RYR3: variants seen among roughly 807,000 people sequenced by gnomAD.
RYR3 encodes the protein brain ryanodine receptor-calcium release channel.
RYR3 carries 207 observed loss-of-function variants against 584.3 expected under a neutral mutation model. That is an observed-to-expected ratio of 0.35 (90% confidence interval 0.32 to 0.40). The LOEUF is 0.40. Among genes scored for constraint, RYR3 ranks in the 10% least tolerant of loss-of-function variants. The probability of loss-of-function intolerance (pLI) is 1.00; values close to 1 mark genes in which losing one functional copy is unlikely to be tolerated. For synonymous variants in RYR3, 2,416 were observed against 2,248.5 expected (o/e 1.07, Z -2.11); for missense variants, 5,616 against 6,089.2 (o/e 0.92, Z 2.59).
chr15:33,545,157 G>A (rs141438511), intron 8 of RYR3, among the ~76,000 whole-genome samples: 1,747 of 152,202 alleles, frequency 0.011, 34 homozygotes, highest in African/African-American at 0.038. Flanking sequence ...TACTTTTAAG[G>A]ATGGGAACTG....
In RYR3 at chr15:33,586,108, A is replaced by G; in HGVS notation, c.1780A>G (p.Asn594Asp). The part of the protein sequence containing the change: ...IISLLDKHGR[N>D]HKVLDILCSL... ...CTCCCTGTTGGATAAGCACGGGCGGAATCACAAGGTAGGTGTGGAAAGAAC... is the reference window on the plus strand; with the variant it reads ...CTCCCTGTTGGATAAGCACGGGCGGGATCACAAGGTAGGTGTGGAAAGAAC... The change falls in exon 16 of 104, where the codon AAT (asparagine) becomes GAT (aspartate). Residue 594 changes from asparagine to aspartate, a missense_variant. Transcript: ENST00000634891. The G allele has an allele frequency of 1.3e-6, 2 of 1,597,074 alleles. No homozygotes were observed. Among genetic ancestry groups the G allele is most frequent in the Non-Finnish European group, 1.7e-6 (2 of 1,164,462 alleles).
At chr15:33,566,592 G>A in intron 11 of RYR3, 86 bp from the exon 12 acceptor site, 1 of 1,405,782 alleles carries the variant, frequency 7.1e-7, no homozygotes. Flanking sequence ...GAATAAGAGG[G>A]ATGAGGGCAA....
chr15:33,571,887 C>T lies in RYR3; in HGVS notation c.1268+5088C>T, dbSNP rs370399361. On this transcript the variant is annotated intron_variant, in intron 12 of 103. Transcript: ENST00000634891. The stretch of plus-strand genomic sequence containing the variant: ...TTTTTGGTCCTCTATTCCTCCCTTA[C>T]TACCTTTTTTTGTGTTAAATAGATA... 9.2e-5 allele frequency among the ~76,000 whole-genome samples: 14 copies of T among 152,204 alleles called. No individual in the cohort carries two copies. The East Asian group carries it at 2.7e-3, about 29-fold the overall frequency.
At chr15:33,473,363 G>A (rs766070601) in intron 1 of RYR3, 56 bp from the exon 2 acceptor site, 22 of 1,610,320 alleles carry the variant, frequency 1.4e-5, no homozygotes, top group East Asian at 1.3e-4. Context: ...AAGGTGACTC[G>A]GGGCCTGGCT....
chr15:33,558,283 T>G (rs2057205215), intron 10 of RYR3, among the ~76,000 whole-genome samples: 1 of 151,384 alleles, frequency 6.6e-6, no homozygotes, highest in African/African-American at 2.4e-5. Flanking sequence ...TGTGTGATGT[T>G]CCCCTTCCTG....
At chr15:33,503,405 C>T (rs76295301) in intron 2 of RYR3, among the ~76,000 whole-genome samples, 3,769 of 152,286 alleles carry the variant, frequency 0.025, 166 homozygotes, top group African/African-American at 0.086. Flanking sequence ...TCAAGTCGAT[C>T]CTGACATGTT....
intron 32 of RYR3, among the ~76,000 whole-genome samples, chr15:33,656,477 T>C (rs1368775953): frequency 7.0e-6 from 1 of 143,822 alleles, no homozygotes; most frequent in Non-Finnish European, 1.5e-5. Context: ...GGAAATCCCC[T>C]TGTAGGCATT....
intron 16 of RYR3, among the ~76,000 whole-genome samples, chr15:33,598,585 T>G (rs1427749194): frequency 6.6e-6 from 1 of 151,094 alleles, no homozygotes; most frequent in East Asian, 1.9e-4. Context: ...TCTTACCTAG[T>G]GATGGGTCTT....
chr15:33,634,839 T>C, intron 25 of RYR3, 106 bp downstream of exon 25: 5 of 943,232 alleles, frequency 5.3e-6, no homozygotes, highest in South Asian at 3.0e-5. Context: ...GGAAATAGTA[T>C]TGGGGCTGAA....
intron 1 of RYR3, among the ~76,000 whole-genome samples, chr15:33,319,316 G>GA (rs34858468): frequency 0.68 from 104,001 of 152,028 alleles, 35,936 homozygotes; most frequent in African/African-American, 0.77. Context: ...ACATCATATC[G>GA]ACCAGAAGCC....
intron 64 of RYR3, among the ~76,000 whole-genome samples, chr15:33,775,784 C>T (rs186287983): frequency 1.2e-3 from 189 of 152,294 alleles, no homozygotes; most frequent in Non-Finnish European, 1.7e-3. Context: ...ACGCATGCTG[C>T]CCACCAGGTC....
chr15:33,464,477 T>TATATATATATATACACATATATATATAC lies in RYR3; in HGVS notation c.52-8938_52-8911dup, dbSNP rs1442713257. 6.8e-5 allele frequency among the ~76,000 whole-genome samples: 6 copies of TATATATATATATACACATATATATATAC among 87,892 alleles called. No individual in the cohort carries two copies. The East Asian group carries it at 1.5e-3, about 22-fold the overall frequency. The allele number at this position is 87,892 out of a possible 152,430, so 57.7% of individuals were successfully genotyped here. A position where few individuals can be genotyped will look rare whatever the true frequency, so the allele number is the denominator to read the frequency against. ...AGGGAGGTGGAGATATATATATATA[T>TATATATATATATACACATATATATATAC]ATATATATATATACACATATATATA... is the stretch of plus-strand genomic sequence containing the variant. On this transcript the variant is annotated intron_variant, in intron 1 of 103. Coordinates refer to ENST00000634891, the MANE Select transcript of RYR3 (RefSeq NM_001036.6).
At chr15:33,843,603 A>C in intron 92 of RYR3, 29 bp downstream of exon 92, 1 of 1,400,796 alleles carries the variant, frequency 7.1e-7, no homozygotes, top group Non-Finnish European at 9.9e-7. Flanking sequence ...GTTATTTGCT[A>C]AATATGCTGT....
intron 38 of RYR3, among the ~76,000 whole-genome samples, chr15:33,686,213 T>C (rs987078336): frequency 6.6e-6 from 1 of 152,040 alleles, no homozygotes; most frequent in Non-Finnish European, 1.5e-5. Context: ...AAGAATCAAA[T>C]AGACGCAATA....
intron 1 of RYR3, among the ~76,000 whole-genome samples, chr15:33,436,104 A>G (rs977704585): frequency 2.6e-5 from 4 of 152,236 alleles, no homozygotes; most frequent in Non-Finnish European, 5.9e-5. Context: ...CCAGAAGTCC[A>G]GCTGGCTTCA....
chr15:33,356,793 A>C (rs1253237048), intron 1 of RYR3, among the ~76,000 whole-genome samples: 1 of 152,190 alleles, frequency 6.6e-6, no homozygotes, highest in Non-Finnish European at 1.5e-5. Context: ...TTGCTCTCTG[A>C]GAACTAATGT....
At chr15:33,557,203 G>A (rs1242269201) in intron 10 of RYR3, among the ~76,000 whole-genome samples, 1 of 152,046 alleles carries the variant, frequency 6.6e-6, no homozygotes, top group Non-Finnish European at 1.5e-5. Context: ...TATAAAGTAG[G>A]ATAATACAAG....
intron 1 of RYR3, among the ~76,000 whole-genome samples, chr15:33,437,114 T>TAG (rs955037990): frequency 8.5e-6 from 1 of 117,906 alleles, no homozygotes; most frequent in Non-Finnish European, 1.7e-5. Context: ...GAGAGAGAGA[T>TAG]AGAGTGTGTG....
intron 1 of RYR3, among the ~76,000 whole-genome samples, chr15:33,420,863 G>A (rs1227356198): frequency 1.3e-5 from 2 of 152,096 alleles, no homozygotes; most frequent in Non-Finnish European, 2.9e-5. Flanking sequence ...ATCCCACCAT[G>A]TCCATTACCT....
Sources: allele counts gnomAD v4.1 joint callset (sites outside exome capture counted in the v4.1 genomes callset), GRCh38; gene constraint gnomAD v4.1.1; transcripts MANE v1.5; gene names NCBI Gene and HGNC (gene_info 2026-07-23, HGNC 2026-07-21).